FYB2: variants seen among roughly 807,000 people sequenced by gnomAD.
FYB2 encodes FYN binding protein 2, also known as FYN-binding protein 2.
A neutral mutation model predicts 94.1 loss-of-function variants in FYB2; 103 were observed. The observed-to-expected ratio is 1.09, with a 90% CI of 0.93 to 1.29. The LOEUF (loss-of-function observed/expected upper bound fraction) is 1.29, where lower values mean the gene tolerates loss of function less well. Among genes scored for constraint, FYB2 ranks in the 50% most tolerant of loss-of-function variants. The pLI, the probability that FYB2 is intolerant of heterozygous loss-of-function variation, is 0.00. For missense variants in FYB2, 896 were observed against 841.5 expected, an observed-to-expected ratio of 1.06 and a Z score of -0.80; for synonymous variants, 293 against 287.9, an observed-to-expected ratio of 1.02 and a Z score of -0.18.
chr1:56,772,487 TC>T (rs1439038991), intron 4 of FYB2, among the ~76,000 whole-genome samples: 1 of 152,172 alleles, frequency 6.6e-6, no homozygotes, highest in Non-Finnish European at 1.5e-5. Context: ...CACCTTGATT[TC>T]ATACAATGTG....
At chr1:56,721,777 A>G (rs1644490235) in intron 17 of FYB2, among the ~76,000 whole-genome samples, 1 of 152,088 alleles carries the variant, frequency 6.6e-6, no homozygotes, top group South Asian at 2.1e-4. Flanking sequence ...ACTTCACATG[A>G]AGACTGTTAT....
chr1:56,741,048 A>C (rs185678161), intron 12 of FYB2, among the ~76,000 whole-genome samples: 11 of 152,214 alleles, frequency 7.2e-5, no homozygotes, highest in African/African-American at 2.6e-4. Context: ...GGTAGACTAG[A>C]AGCCCATACC....
rs1212125832 is a variant in FYB2 at position 56,735,590 on chromosome 1, C to G, written c.1793+1497G>C. ...CTAAACCTCACCTTGAATTGTAATC[C>G]CCATGTGTCGAGGGAGGGAGGTGAC... is the stretch of plus-strand genomic sequence containing the variant. On this transcript the variant is annotated intron_variant, in intron 15 of 19. Transcript: ENST00000343433. Among the ~76,000 whole-genome samples, 3 of 151,980 alleles carry G rather than the reference C, an allele frequency of 2.0e-5. No homozygotes were observed. In the East Asian group the frequency reaches 5.8e-4, roughly 29 times the overall value.
chr1:56,785,769 C>G (rs1646120834), intron 4 of FYB2, among the ~76,000 whole-genome samples: 1 of 152,210 alleles, frequency 6.6e-6, no homozygotes, highest in South Asian at 2.1e-4. Flanking sequence ...CCTTCCCATG[C>G]TGTGCTGCAA....
At position 56,720,345 on chromosome 1, in the gene FYB2, A is replaced by T. The variant is rs1035086959; in HGVS notation, c.1975-16T>A. 1 of 1,586,578 alleles carries T rather than the reference A, an allele frequency of 6.3e-7. No homozygotes were observed. Among genetic ancestry groups the T allele is most frequent in the African/African-American group, 1.4e-5 (1 of 73,690 alleles). ...CTTTGTCGTACTGAAATGAGAAATT[A>T]CTAATCAGACCATTCTTGCATAGTT... is the stretch of plus-strand genomic sequence containing the variant. On this transcript the variant is annotated splice_polypyrimidine_tract_variant and intron_variant, in intron 17 of 19. Transcript: ENST00000343433.
chr1:56,733,662 CTTTA>C, intron 15 of FYB2, among the ~76,000 whole-genome samples: 1 of 151,962 alleles, frequency 6.6e-6, no homozygotes, highest in East Asian at 1.9e-4. Flanking sequence ...CAAAGAACAT[CTTTA>C]TTTACCCAGT....
upstream of FYB2, among the ~76,000 whole-genome samples, chr1:56,820,818 C>T (rs186448074): frequency 1.3e-5 from 2 of 152,342 alleles, no homozygotes; most frequent in Admixed American, 6.5e-5. Flanking sequence ...TACATCCTTC[C>T]TCAACACACA....
Position 56,720,407 on chromosome 1 carries a change from A to G in FYB2, c.1975-78T>C, listed in dbSNP as rs897883744. ...TAACAAAATTAATGGAGGATATAAT[A>G]TAGTAACTTCAAAATTAACTCAAGA... On this transcript the variant is annotated intron_variant, in intron 17 of 19. Transcript: ENST00000343433. 3.8e-6 allele frequency: 5 copies of G among 1,310,218 alleles called. No homozygotes were observed. In the African/African-American group the frequency reaches 4.5e-5, roughly 12 times the overall value. The allele number at this position is 1,310,218 out of a possible 1,614,324, so 81.2% of individuals were successfully genotyped here. A position where few individuals can be genotyped will look rare whatever the true frequency, so the allele number is the denominator to read the frequency against.
chr1:56,795,904 T>C (rs988313097), intron 1 of FYB2, among the ~76,000 whole-genome samples: 2 of 152,222 alleles, frequency 1.3e-5, no homozygotes, highest in Admixed American at 6.5e-5. Context: ...TGATTATACC[T>C]GGCTCTTTAC....
chr1:56,820,195 C>A (rs1646974281), upstream of FYB2, among the ~76,000 whole-genome samples: 1 of 147,626 alleles, frequency 6.8e-6, no homozygotes, highest in Non-Finnish European at 1.5e-5. Context: ...CATGCCACTG[C>A]ACTCCAGGGG....
intron 1 of FYB2, among the ~76,000 whole-genome samples, chr1:56,811,236 A>G (rs902129034): frequency 2.6e-5 from 4 of 152,230 alleles, no homozygotes; most frequent in Non-Finnish European, 5.9e-5. Flanking sequence ...CACATTCTAT[A>G]CGAGTTTCTC....
chr1:56,781,526 T>C (rs1390034858), intron 4 of FYB2, among the ~76,000 whole-genome samples: 1 of 152,230 alleles, frequency 6.6e-6, no homozygotes, highest in Non-Finnish European at 1.5e-5. Context: ...CTTAAAATTG[T>C]CATAAATGAA....
At chr1:56,822,926 C>A (rs1647000982), upstream of FYB2, among the ~76,000 whole-genome samples, 1 of 151,830 alleles carries the variant, frequency 6.6e-6, no homozygotes, top group Non-Finnish European at 1.5e-5. Context: ...TATTATAATT[C>A]TTGTTGGTTA....
At chr1:56,746,374 C>T (rs1380562739) in intron 9 of FYB2, among the ~76,000 whole-genome samples, 1 of 151,642 alleles carries the variant, frequency 6.6e-6, no homozygotes, top group Admixed American at 6.6e-5. Context: ...TTTATTTGTT[C>T]CATGTTTTTC....
chr1:56,722,202 G>A (rs1470788267), intron 17 of FYB2, among the ~76,000 whole-genome samples: 2 of 152,104 alleles, frequency 1.3e-5, no homozygotes, highest in African/African-American at 4.8e-5. Flanking sequence ...TCTAGATATA[G>A]TAACCCCAAT....
At chr1:56,745,726 T>C (rs857120) in intron 9 of FYB2, among the ~76,000 whole-genome samples, 24,106 of 152,002 alleles carry the variant, frequency 0.16, 2,768 homozygotes, top group African/African-American at 0.31. Flanking sequence ...CATGCCTTTC[T>C]TGTACTTGCA....
intron 1 of FYB2, among the ~76,000 whole-genome samples, chr1:56,814,814 A>G (rs1646844402): frequency 6.6e-6 from 1 of 151,818 alleles, no homozygotes; most frequent in Non-Finnish European, 1.5e-5. Context: ...CTTGTGACTT[A>G]TTCCTTAAAA....
At position 56,723,654 on chromosome 1, in the gene FYB2, G is replaced by C. The variant is rs1286446560; in HGVS notation, c.1908C>G (p.Thr636=). The change falls in exon 17 of 20, where the codon ACC becomes ACG. Residue 636 remains threonine (T), a synonymous_variant. Coordinates refer to ENST00000343433, the MANE Select transcript of FYB2 (RefSeq NM_001004303.5). ...TGTTCTTTTCTAAGTTTTGCTTCTT[G>C]GTTTTGAAGAAATTTCTAGGAGAGA... is the stretch of plus-strand genomic sequence containing the variant. ...ESFSPRNFFK[T]KKQNLEKNRM... 6.4e-7 allele frequency: 1 copy of C among 1,563,904 alleles called. No individual in the cohort carries two copies. The highest frequency in any genetic ancestry group is 8.8e-7 in the Non-Finnish European group (1 of 1,140,452).
chr1:56,744,890 G>T (rs1320544222), intron 9 of FYB2, among the ~76,000 whole-genome samples: 1 of 151,744 alleles, frequency 6.6e-6, no homozygotes, highest in Non-Finnish European at 1.5e-5. Flanking sequence ...TAATATTTAG[G>T]GTATGGGTAA....
Sources: allele counts gnomAD v4.1 joint callset (sites outside exome capture counted in the v4.1 genomes callset), GRCh38; gene constraint gnomAD v4.1.1; transcripts MANE v1.5; gene names NCBI Gene and HGNC (gene_info 2026-07-23, HGNC 2026-07-21).